The following DAAM1 variants were observed in gnomAD, a reference collection of about 807,000 sequenced individuals.
The protein encoded by DAAM1 is disheveled-associated activator of morphogenesis 1.
DAAM1 carries 52 observed loss-of-function variants against 130.0 expected under a neutral mutation model. The observed-to-expected ratio is 0.40, with a 90% CI of 0.32 to 0.50. The LOEUF is 0.50. Ranked by LOEUF, DAAM1 falls within the 20% of genes least tolerant of loss-of-function variation. The probability of loss-of-function intolerance (pLI) is 0.61; values close to 1 mark genes in which losing one functional copy is unlikely to be tolerated. For synonymous variants in DAAM1, 452 were observed against 444.5 expected (o/e 1.02, Z -0.21); for missense variants, 1,134 against 1,303.8 (o/e 0.87, Z 2.01).
intron 1 of DAAM1, among the ~76,000 whole-genome samples, chr14:59,197,947 T>C (rs1343874392): frequency 6.6e-6 from 1 of 152,226 alleles, no homozygotes; most frequent in East Asian, 1.9e-4. Context: ...GAGGAAGGCT[T>C]ACATTGTAAT....
intron 1 of DAAM1, among the ~76,000 whole-genome samples, chr14:59,222,828 A>T (rs1211294983): frequency 6.6e-6 from 1 of 152,204 alleles, no homozygotes; most frequent in African/African-American, 2.4e-5. Context: ...GTCTGTGGAC[A>T]TCCAGCCATG....
chr14:59,196,665 C>T (rs1329588366), intron 1 of DAAM1, among the ~76,000 whole-genome samples: 2 of 151,918 alleles, frequency 1.3e-5, no homozygotes, highest in African/African-American at 4.8e-5. Context: ...ATGGCGTGAA[C>T]CCGGGAGGCG....
chr14:59,226,811 G>T (rs1013762314), intron 1 of DAAM1, among the ~76,000 whole-genome samples: 1 of 152,140 alleles, frequency 6.6e-6, no homozygotes, highest in Non-Finnish European at 1.5e-5. Context: ...CAATAGGAGG[G>T]CCCTTTCATT....
intron 1 of DAAM1, among the ~76,000 whole-genome samples, chr14:59,253,831 A>C (rs527749155): frequency 2.7e-4 from 41 of 152,356 alleles, no homozygotes; most frequent in African/African-American, 9.9e-4. Flanking sequence ...ATGAGCCCTC[A>C]GCCCAGAGTA....
chr14:59,216,811 A>G (rs1319035047), intron 1 of DAAM1, among the ~76,000 whole-genome samples: 1 of 152,158 alleles, frequency 6.6e-6, no homozygotes, highest in African/African-American at 2.4e-5. Flanking sequence ...CCTGTTGACT[A>G]ACCGTTTGTG....
At chr14:59,218,333 A>C (rs956504984) in intron 1 of DAAM1, among the ~76,000 whole-genome samples, 10 of 152,228 alleles carry the variant, frequency 6.6e-5, no homozygotes, top group Non-Finnish European at 1.0e-4. Flanking sequence ...GACATTAATC[A>C]CAGCAAAACA....
intron 1 of DAAM1, among the ~76,000 whole-genome samples, chr14:59,228,621 C>T (rs1158796000): frequency 6.6e-6 from 1 of 152,188 alleles, no homozygotes; most frequent in Non-Finnish European, 1.5e-5. Context: ...TGGGTTTCAT[C>T]ACTCAGATTC....
intron 1 of DAAM1, among the ~76,000 whole-genome samples, chr14:59,211,110 T>C (rs1191544219): frequency 6.6e-6 from 1 of 152,186 alleles, no homozygotes; most frequent in African/African-American, 2.4e-5. Context: ...TGCTTTAGGT[T>C]TGGTAAAGCA....
chr14:59,270,922 A>G (rs1392460758), intron 2 of DAAM1, among the ~76,000 whole-genome samples: 1 of 152,150 alleles, frequency 6.6e-6, no homozygotes, highest in African/African-American at 2.4e-5. Flanking sequence ...AAGTCTGGTT[A>G]TTATTTTTGA....
At chr14:59,242,540 A>G (rs1881174505) in intron 1 of DAAM1, among the ~76,000 whole-genome samples, 1 of 152,176 alleles carries the variant, frequency 6.6e-6, no homozygotes. Flanking sequence ...ATCTGAACAA[A>G]AACGCTGTGT....
At chr14:59,308,592 C>T (rs545217141) in intron 3 of DAAM1, among the ~76,000 whole-genome samples, 22 of 152,250 alleles carry the variant, frequency 1.4e-4, no homozygotes, top group Non-Finnish European at 2.6e-4. Flanking sequence ...GATGATGGAT[C>T]ACCTGCTGGT....
chr14:59,285,201 G>T (rs187612668), intron 2 of DAAM1, among the ~76,000 whole-genome samples: 6 of 152,200 alleles, frequency 3.9e-5, no homozygotes, highest in Non-Finnish European at 7.4e-5. Context: ...TTCATATCCT[G>T]CGAAACTAAG....
chr14:59,350,022 T>A (rs942951241), intron 17 of DAAM1, among the ~76,000 whole-genome samples: 1 of 151,978 alleles, frequency 6.6e-6, no homozygotes, highest in Non-Finnish European at 1.5e-5. Flanking sequence ...GGGTGATGCT[T>A]TCCTCTCTCT....
At chr14:59,225,976 A>G (rs1287524331) in intron 1 of DAAM1, among the ~76,000 whole-genome samples, 3 of 152,236 alleles carry the variant, frequency 2.0e-5, no homozygotes. Context: ...CTCAAGCCCT[A>G]CGACATTGGG....
intron 18 of DAAM1, 77 bp from the exon 19 acceptor site, chr14:59,353,799 C>T (rs529233032): frequency 4.3e-5 from 60 of 1,387,140 alleles, no homozygotes; most frequent in Admixed American, 9.4e-5. Context: ...TTCTAGGTAC[C>T]TCCACCTCCA....
rs367578559 is a variant in DAAM1 at position 59,356,764 on chromosome 14, C to T, written c.2525+1431C>T. On this transcript the variant is annotated intron_variant, in intron 20 of 24. Transcript: ENST00000360909. ...ATACTTACCAATAACCTGGCACTTA[C>T]GTGATTATCTGCTTATTTACTGAGG... Among the ~76,000 whole-genome samples, 7 of 152,232 alleles carry T rather than the reference C, an allele frequency of 4.6e-5. 1 individual carries two copies. The South Asian group carries it at 1.0e-3, about 23-fold the overall frequency.
intron 3 of DAAM1, among the ~76,000 whole-genome samples, chr14:59,294,417 A>G (rs1244549351): frequency 2.0e-5 from 3 of 152,236 alleles, no homozygotes; most frequent in African/African-American, 7.2e-5. Flanking sequence ...ACGATTCAAA[A>G]GAAGTTAATT....
intron 19 of DAAM1, 90 bp from the exon 20 acceptor site, chr14:59,355,075 G>T: frequency 6.7e-7 from 1 of 1,490,926 alleles, no homozygotes; most frequent in Non-Finnish European, 9.1e-7. Flanking sequence ...GTTATTAAGT[G>T]TGTGAATTTA....
chr14:59,326,156 C>T (rs17096091), intron 10 of DAAM1, 79 bp downstream of exon 10: 234,527 of 1,329,230 alleles, frequency 0.18, 23,599 homozygotes, highest in African/African-American at 0.38. Context: ...CTGCACAGTG[C>T]TGATTACATT....
Sources: gnomAD v4.1 joint callset for allele counts (sites outside exome capture counted in the v4.1 genomes callset) on GRCh38, gnomAD v4.1.1 for gene constraint, MANE v1.5 for transcripts, NCBI Gene and HGNC (gene_info 2026-07-23, HGNC 2026-07-21) for gene names.